Variants in TRPM3 observed in about 807,000 individuals in gnomAD.
The protein encoded by TRPM3 is long transient receptor potential channel 3.
Under a neutral mutation model 181.2 loss-of-function variants are expected in TRPM3, and 77 were observed. The observed-to-expected ratio is 0.42, with a 90% CI of 0.35 to 0.51. The LOEUF (loss-of-function observed/expected upper bound fraction) is 0.51, where lower values mean the gene tolerates loss of function less well. Among genes scored for constraint, TRPM3 ranks in the 20% least tolerant of loss-of-function variants. The pLI is 0.01. For synonymous variants in TRPM3, 745 were observed against 796.4 expected, an observed-to-expected ratio of 0.94 and a Z score of 1.09; for missense variants, 1,759 against 2,196.7, an observed-to-expected ratio of 0.80 and a Z score of 3.98.
intron 22 of TRPM3, among the ~76,000 whole-genome samples, chr9:70,558,651 G>A (rs1405993936): frequency 1.3e-5 from 2 of 152,144 alleles, no homozygotes; most frequent in South Asian, 4.1e-4. Flanking sequence ...CAAACCTGTA[G>A]GATTAATGCA....
intron 1 of TRPM3, among the ~76,000 whole-genome samples, chr9:71,250,707 A>G (rs1312509097): frequency 1.3e-5 from 2 of 152,210 alleles, no homozygotes; most frequent in Non-Finnish European, 2.9e-5. Flanking sequence ...AACATGAGAA[A>G]GAGCCAGCAG....
intron 1 of TRPM3, among the ~76,000 whole-genome samples, chr9:71,405,330 GA>G (rs2093417735): frequency 6.6e-6 from 1 of 152,066 alleles, no homozygotes; most frequent in East Asian, 1.9e-4. Context: ...TTCCTTTTAG[GA>G]ATTTAAAAAA....
intron 20 of TRPM3, among the ~76,000 whole-genome samples, chr9:70,601,934 G>A (rs990164735): frequency 6.6e-6 from 1 of 152,148 alleles, no homozygotes; most frequent in African/African-American, 2.4e-5. Flanking sequence ...CAGCCACAGG[G>A]CCCCAGCAGG....
At chr9:71,399,822 C>T (rs1163912175) in intron 1 of TRPM3, among the ~76,000 whole-genome samples, 3 of 152,026 alleles carry the variant, frequency 2.0e-5, no homozygotes, top group Non-Finnish European at 4.4e-5. Context: ...TGAGCCACTG[C>T]GCCCAGCCTA....
chr9:71,357,304 A>T (rs115012835), intron 1 of TRPM3, among the ~76,000 whole-genome samples: 3,615 of 152,262 alleles, frequency 0.024, 119 homozygotes, highest in African/African-American at 0.077. Context: ...TTTTATGTCA[A>T]TTATTATGAA....
intron 1 of TRPM3, among the ~76,000 whole-genome samples, chr9:71,165,599 A>T (rs979491836): frequency 4.7e-4 from 72 of 152,232 alleles, no homozygotes; most frequent in African/African-American, 1.7e-3. Flanking sequence ...TTTTCCACGC[A>T]CCAGTCTTTC....
chr9:71,194,892 C>T (rs997975652), intron 1 of TRPM3, among the ~76,000 whole-genome samples: 3 of 151,864 alleles, frequency 2.0e-5, no homozygotes, highest in Non-Finnish European at 2.9e-5. Flanking sequence ...AAAATCTATA[C>T]TGCAAAAAAC....
At chr9:71,287,795 T>A (rs1254778122) in intron 1 of TRPM3, among the ~76,000 whole-genome samples, 24 of 152,130 alleles carry the variant, frequency 1.6e-4, no homozygotes, top group African/African-American at 5.8e-4. Flanking sequence ...AATGAGGAAA[T>A]GGTAATTAGA....
intron 1 of TRPM3, among the ~76,000 whole-genome samples, chr9:70,976,096 A>C (rs1351146621): frequency 6.6e-6 from 1 of 152,162 alleles, no homozygotes; most frequent in Non-Finnish European, 1.5e-5. Context: ...AGTGCAAATG[A>C]GTCTCTTCCC....
At chr9:70,663,162 T>C (rs1378357290) in intron 9 of TRPM3, among the ~76,000 whole-genome samples, 1 of 152,170 alleles carries the variant, frequency 6.6e-6, no homozygotes, top group Admixed American at 6.5e-5. Context: ...TATTGTATGT[T>C]CTCACTCATA....
At chr9:71,223,652 C>G (rs2080383890) in intron 1 of TRPM3, among the ~76,000 whole-genome samples, 1 of 152,202 alleles carries the variant, frequency 6.6e-6, no homozygotes, top group African/African-American at 2.4e-5. Flanking sequence ...CTGGACCTAT[C>G]CTGGGCCAGA....
In TRPM3 at chr9:71,218,151, C is replaced by T. The variant is rs371250358; in HGVS notation, c.183+228502G>A. Among the ~76,000 whole-genome samples, 104 of 152,238 alleles carry T rather than the reference C, an allele frequency of 6.8e-4. 2 individuals carry two copies. The South Asian group carries it at 0.021, about 31-fold the overall frequency. ...TTAATTTATGGCAGTCTGGGTCTTGCTCTAACTTTCCCTATCCACACAATC... is the reference window on the plus strand; with the variant it reads ...TTAATTTATGGCAGTCTGGGTCTTGTTCTAACTTTCCCTATCCACACAATC... On this transcript the variant is annotated intron_variant, in intron 1 of 24. Coordinates refer to the TRPM3 transcript ENST00000357533.
chr9:71,027,409 C>A (rs1441221846), intron 1 of TRPM3, among the ~76,000 whole-genome samples: 1 of 152,216 alleles, frequency 6.6e-6, no homozygotes, highest in East Asian at 1.9e-4. Context: ...AGAGGGTCTT[C>A]TTTTCTCCAA....
intron 1 of TRPM3, among the ~76,000 whole-genome samples, chr9:70,922,245 T>C (rs1182375235): frequency 2.0e-5 from 3 of 152,150 alleles, no homozygotes; most frequent in Non-Finnish European, 4.4e-5. Flanking sequence ...TTTTTTATCA[T>C]TTCTTGGCCA....
intron 1 of TRPM3, among the ~76,000 whole-genome samples, chr9:71,032,372 A>G (rs2134707717): frequency 6.6e-6 from 1 of 150,944 alleles, no homozygotes; most frequent in Non-Finnish European, 1.5e-5. Flanking sequence ...AGGTTAAAAA[A>G]GTGATTTCCT....
chr9:70,797,312 T>C (rs189387950), intron 6 of TRPM3, among the ~76,000 whole-genome samples: 1 of 152,324 alleles, frequency 6.6e-6, no homozygotes, highest in East Asian at 1.9e-4. Context: ...TCTGTGCTCA[T>C]TGGTTTTCCT....
intron 1 of TRPM3, among the ~76,000 whole-genome samples, chr9:70,924,355 G>T (rs984038248): frequency 1.6e-4 from 24 of 151,682 alleles, no homozygotes; most frequent in African/African-American, 5.6e-4. Context: ...CAATTATATT[G>T]TGAATATTTC....
intron 7 of TRPM3, among the ~76,000 whole-genome samples, chr9:70,772,620 G>A (rs72727779): frequency 0.048 from 7,297 of 152,308 alleles, 228 homozygotes; most frequent in South Asian, 0.11. Context: ...ACCACACCCA[G>A]CCATATCATC....
chr9:70,681,687 T>C, intron 8 of TRPM3, 109 bp from the exon 9 acceptor site: 1 of 934,350 alleles, frequency 1.1e-6, no homozygotes, highest in Non-Finnish European at 1.7e-6. Context: ...ACAAAGTAGA[T>C]TCTTAACCAC....
Sources: gnomAD v4.1 joint callset for allele counts (sites outside exome capture counted in the v4.1 genomes callset) on GRCh38, gnomAD v4.1.1 for gene constraint, MANE v1.5 for transcripts, NCBI Gene and HGNC (gene_info 2026-07-23, HGNC 2026-07-21) for gene names.